Variants in TACR3 observed in about 807,000 individuals in gnomAD.
TACR3 encodes the protein tachykinin receptor 3, also known as neuromedin-K receptor.
TACR3 carries 34 observed loss-of-function variants against 35.0 expected under a neutral mutation model. The ratio of observed to expected loss-of-function variants is 0.97; its 90% CI spans 0.74 to 1.30. The LOEUF (loss-of-function observed/expected upper bound fraction) is 1.30. TACR3 is among the 50% of genes most tolerant of loss of function. TACR3 has a pLI of 0.00. For missense variants in TACR3, 558 were observed against 591.7 expected (o/e 0.94, Z 0.59); for synonymous variants, 233 against 221.1 (o/e 1.05, Z -0.48).
chr4:103,629,344 CA>C (rs1724988786), intron 3 of TACR3, among the ~76,000 whole-genome samples: 1 of 152,028 alleles, frequency 6.6e-6, no homozygotes, highest in Non-Finnish European at 1.5e-5. Flanking sequence ...AAGAGGAAGC[CA>C]AATTGTCCCT....
Position 103,719,226 on chromosome 4 carries a change from C to T in TACR3, c.450G>A (p.Glu150=). Residue 150 remains glutamate (E), a synonymous_variant, in exon 1 of 5, where the codon GAG becomes GAA. Transcript: ENST00000304883. ...GGCAGTAGTTGGCGCCAAAGTACCA[C>T]TCGCTATGAAGCGCGTAGATGAAAT... ...LVNFIYALHS[E]WYFGANYCRF... is the part of the protein sequence containing the mutation. The T allele has an allele frequency of 6.2e-7, 1 of 1,614,210 alleles. No homozygotes were observed.
chr4:103,678,262 T>A (rs1031307488), intron 1 of TACR3, among the ~76,000 whole-genome samples: 3 of 152,172 alleles, frequency 2.0e-5, no homozygotes, highest in Non-Finnish European at 2.9e-5. Context: ...CAATTTTTTT[T>A]ATCAGTTAAA....
chr4:103,651,115 G>A (rs1393446261), intron 3 of TACR3, among the ~76,000 whole-genome samples: 2 of 148,528 alleles, frequency 1.3e-5, no homozygotes, highest in African/African-American at 2.5e-5. Context: ...GGCGAAGCCA[G>A]CCAGGCTTGT....
intron 3 of TACR3, among the ~76,000 whole-genome samples, chr4:103,650,421 G>A (rs1578242746): frequency 8.2e-6 from 1 of 121,320 alleles, no homozygotes. Context: ...TAACAAACCT[G>A]CACATTGTGC....
At chr4:103,704,027 C>T (rs563578768) in intron 1 of TACR3, among the ~76,000 whole-genome samples, 1 of 145,942 alleles carries the variant, frequency 6.9e-6, no homozygotes, top group Non-Finnish European at 1.5e-5. Flanking sequence ...TGGAGTGAAC[C>T]CGGCAGGCGG....
intron 1 of TACR3, among the ~76,000 whole-genome samples, chr4:103,696,487 T>C (rs1020691872): frequency 6.6e-6 from 1 of 152,204 alleles, no homozygotes; most frequent in Non-Finnish European, 1.5e-5. Context: ...CTTCTTGCCA[T>C]ATAAGATTAT....
At chr4:103,686,615 G>C (rs1191679807) in intron 1 of TACR3, among the ~76,000 whole-genome samples, 2 of 152,156 alleles carry the variant, frequency 1.3e-5, no homozygotes, top group Admixed American at 1.3e-4. Context: ...TCTGATTTTT[G>C]ATAGAAAATT....
intron 1 of TACR3, among the ~76,000 whole-genome samples, chr4:103,694,489 G>A (rs544883431): frequency 2.6e-5 from 4 of 152,152 alleles, no homozygotes; most frequent in South Asian, 2.1e-4. Context: ...CATGCTTCCC[G>A]TACCAAGTTC....
chr4:103,657,277 T>C (rs893336570), intron 2 of TACR3, among the ~76,000 whole-genome samples: 1 of 152,064 alleles, frequency 6.6e-6, no homozygotes, highest in Non-Finnish European at 1.5e-5. Flanking sequence ...TGCCTTTCCA[T>C]TTCTCAGTAG....
At chr4:103,695,991 CT>C (rs1469000461) in intron 1 of TACR3, among the ~76,000 whole-genome samples, 2 of 151,980 alleles carry the variant, frequency 1.3e-5, no homozygotes, top group East Asian at 1.9e-4. Context: ...TTCTTTCTCC[CT>C]TTTTTTCTTT....
chr4:103,639,537 C>A lies in TACR3; in HGVS notation c.888+16657G>T, dbSNP rs1364576812. ...AGCACACCAACATGGCACATGTATA[C>A]ATATGTAACAAACCTGCACGTTGTG... On this transcript the variant is annotated intron_variant, in intron 3 of 4. Coordinates refer to ENST00000304883, the MANE Select transcript of TACR3 (RefSeq NM_001059.3). Among the ~76,000 whole-genome samples, 3 of 151,938 alleles carry A rather than the reference C, an allele frequency of 2.0e-5. No individual in the cohort carries two copies. In the East Asian group the frequency reaches 5.8e-4, roughly 29 times the overall value.
intron 1 of TACR3, among the ~76,000 whole-genome samples, chr4:103,712,409 T>C (rs986389400): frequency 5.1e-4 from 77 of 152,124 alleles, no homozygotes; most frequent in African/African-American, 1.5e-3. Flanking sequence ...TCTGGGAAAA[T>C]TGGCTAGCCA....
At chr4:103,679,705 T>G (rs1726247044) in intron 1 of TACR3, among the ~76,000 whole-genome samples, 1 of 151,938 alleles carries the variant, frequency 6.6e-6, no homozygotes, top group Non-Finnish European at 1.5e-5. Context: ...AGTTTGAGGA[T>G]ACAAATTTAA....
intron 1 of TACR3, among the ~76,000 whole-genome samples, chr4:103,699,973 A>G (rs1270197423): frequency 6.6e-6 from 1 of 152,180 alleles, no homozygotes; most frequent in Non-Finnish European, 1.5e-5. Flanking sequence ...TCATGGAATT[A>G]CGAGCCATAT....
intron 3 of TACR3, among the ~76,000 whole-genome samples, chr4:103,604,649 G>C (rs1173322117): frequency 6.6e-6 from 1 of 151,874 alleles, no homozygotes; most frequent in African/African-American, 2.4e-5. Flanking sequence ...ATCTGACAAA[G>C]GGCTAATATC....
intron 3 of TACR3, among the ~76,000 whole-genome samples, chr4:103,639,622 G>A (rs1249543021): frequency 6.6e-6 from 1 of 151,592 alleles, no homozygotes; most frequent in Non-Finnish European, 1.5e-5. Context: ...AGAAAAATCA[G>A]TTGACCACAA....
intron 3 of TACR3, among the ~76,000 whole-genome samples, chr4:103,595,909 C>G (rs1723997241): frequency 2.5e-5 from 3 of 118,504 alleles, no homozygotes. Context: ...CCTCCCCCCA[C>G]CCCACAACAG....
intron 3 of TACR3, among the ~76,000 whole-genome samples, chr4:103,625,966 A>T (rs1724883045): frequency 6.6e-6 from 1 of 152,176 alleles, no homozygotes; most frequent in African/African-American, 2.4e-5. Context: ...TCCCAGAGGG[A>T]TGGAGCCTTT....
At chr4:103,606,642 G>C (rs978334738) in intron 3 of TACR3, among the ~76,000 whole-genome samples, 1 of 152,078 alleles carries the variant, frequency 6.6e-6, no homozygotes, top group Non-Finnish European at 1.5e-5. Context: ...TGGTGTATAA[G>C]AATGCTTGTG....
Sources: gnomAD v4.1 joint callset for allele counts (sites outside exome capture counted in the v4.1 genomes callset) on GRCh38, gnomAD v4.1.1 for gene constraint, MANE v1.5 for transcripts, NCBI Gene and HGNC (gene_info 2026-07-23, HGNC 2026-07-21) for gene names.